C7orf78: variants seen among roughly 807,000 people sequenced by gnomAD.
The protein encoded by C7orf78 is putative uncharacterized protein C7orf78.
At chr7:12,498,552 C>T in the C7orf78 span, among the ~76,000 whole-genome samples, 55 of 152,072 alleles carry the variant, frequency 3.6e-4, no homozygotes, top group Admixed American at 1.9e-3. Flanking sequence ...TAAAAAGAAA[C>T]GAGCAAAGCC....
chr7:12,517,491 C>G, the C7orf78 span, among the ~76,000 whole-genome samples: 2 of 152,166 alleles, frequency 1.3e-5, no homozygotes, highest in Admixed American at 6.5e-5. Flanking sequence ...CTTTTGTCCT[C>G]TCCTCACCTT....
chr7:12,528,033 T>C, the C7orf78 span, among the ~76,000 whole-genome samples: 1 of 149,362 alleles, frequency 6.7e-6, no homozygotes, highest in African/African-American at 2.5e-5. Context: ...GTAATTGAAA[T>C]GGAACATGTC....
the C7orf78 span, among the ~76,000 whole-genome samples, chr7:12,521,999 C>G: frequency 2.0e-5 from 3 of 151,902 alleles, no homozygotes; most frequent in Non-Finnish European, 2.9e-5. Flanking sequence ...TCCATCACTG[C>G]AAAATATTAC....
chr7:12,506,588 C>T, the C7orf78 span, among the ~76,000 whole-genome samples: 1 of 152,018 alleles, frequency 6.6e-6, no homozygotes, highest in African/African-American at 2.4e-5. Flanking sequence ...GGGAGTTCAA[C>T]AATGAGAACA....
chr7:12,529,942 G>A, the C7orf78 span, among the ~76,000 whole-genome samples: 639 of 152,288 alleles, frequency 4.2e-3, 3 homozygotes, highest in Non-Finnish European at 7.1e-3. Context: ...TTAACTACAT[G>A]CAAATTAAGG....
the C7orf78 span, chr7:12,487,140 T>A: frequency 6.6e-6 from 1 of 152,052 alleles, no homozygotes; most frequent in African/African-American, 2.4e-5. Context: ...TTTCTACAAA[T>A]AACAGAAAAT....
At chr7:12,497,150 G>A in the C7orf78 span, among the ~76,000 whole-genome samples, 7 of 152,176 alleles carry the variant, frequency 4.6e-5, 1 homozygote. Flanking sequence ...GACCAAAGAA[G>A]AGTAAGTAAC....
chr7:12,521,587 C>T, the C7orf78 span, among the ~76,000 whole-genome samples: 21 of 149,640 alleles, frequency 1.4e-4, no homozygotes, highest in South Asian at 1.1e-3. Context: ...CTTCATGCTA[C>T]ATCTTTGTTT....
the C7orf78 span, among the ~76,000 whole-genome samples, chr7:12,522,524 A>G: frequency 1.3e-5 from 2 of 152,146 alleles, no homozygotes; most frequent in Non-Finnish European, 2.9e-5. Context: ...GTCAAATGTT[A>G]TTGCCTTCCT....
At chr7:12,497,286 G>A in the C7orf78 span, among the ~76,000 whole-genome samples, 1 of 152,246 alleles carries the variant, frequency 6.6e-6, no homozygotes, top group Non-Finnish European at 1.5e-5. Context: ...CAGAAGACGG[G>A]TGATTTCTGC....
chr7:12,541,327 A>G, the C7orf78 span: 3 of 152,348 alleles, frequency 2.0e-5, no homozygotes, highest in African/African-American at 7.2e-5. Flanking sequence ...TGCAAATTTT[A>G]TCTGTTTGCC....
the C7orf78 span, among the ~76,000 whole-genome samples, chr7:12,540,069 T>C: frequency 1.3e-5 from 2 of 152,332 alleles, 1 homozygote; most frequent in Middle Eastern, 6.8e-3. Context: ...TTGGTTTCAA[T>C]GGAACATAGG....
the C7orf78 span, among the ~76,000 whole-genome samples, chr7:12,529,966 G>A: frequency 6.6e-6 from 1 of 152,042 alleles, no homozygotes; most frequent in South Asian, 2.1e-4. Context: ...GGGTTATCCA[G>A]AAATTCCTAG....
the C7orf78 span, among the ~76,000 whole-genome samples, chr7:12,489,608 C>T: frequency 5.9e-5 from 9 of 151,978 alleles, no homozygotes; most frequent in African/African-American, 1.4e-4. Flanking sequence ...GGATTGGAGC[C>T]GAAGTTTCTT....
the C7orf78 span, among the ~76,000 whole-genome samples, chr7:12,537,729 C>A: frequency 6.6e-6 from 1 of 151,882 alleles, no homozygotes; most frequent in African/African-American, 2.4e-5. Context: ...AGAGACAAGT[C>A]CAATGCCAAT....
the C7orf78 span, among the ~76,000 whole-genome samples, chr7:12,505,481 C>T: frequency 1.3e-5 from 2 of 152,116 alleles, no homozygotes; most frequent in African/African-American, 2.4e-5. Flanking sequence ...AATCCTGATA[C>T]AGAGATTTGA....
the C7orf78 span, chr7:12,486,950 T>TA: frequency 2.2e-5 from 1 of 44,780 alleles, no homozygotes; most frequent in African/African-American, 1.7e-4. Flanking sequence ...TTTATACACC[T>TA]CCTTTTTTTT....
the C7orf78 span, among the ~76,000 whole-genome samples, chr7:12,513,729 G>A: frequency 1.4e-4 from 21 of 151,578 alleles, no homozygotes; most frequent in Non-Finnish European, 2.4e-4. Context: ...GGCCGGGCGC[G>A]GTGGCTCATG....
At chr7:12,516,485 C>T in the C7orf78 span, among the ~76,000 whole-genome samples, 2 of 152,222 alleles carry the variant, frequency 1.3e-5, no homozygotes. Context: ...CACACAGAGT[C>T]CCCACTGGGG....
Sources: gnomAD v4.1 joint callset for allele counts (sites outside exome capture counted in the v4.1 genomes callset) on GRCh38, gnomAD v4.1.1 for gene constraint, MANE v1.5 for transcripts, NCBI Gene and HGNC (gene_info 2026-07-23, HGNC 2026-07-21) for gene names.